Variants in CNTN5 observed in about 807,000 individuals in gnomAD.
CNTN5 encodes the protein contactin 5.
In CNTN5, 77 loss-of-function variants were observed where a neutral mutation model predicts 129.1. That is an observed-to-expected ratio of 0.60 (90% CI 0.50 to 0.72). CNTN5 has a LOEUF of 0.72. CNTN5 is among the 30% of genes least tolerant of loss of function. CNTN5 has a pLI of 0.00. For synonymous variants in CNTN5, 509 were observed against 465.6 expected (o/e 1.09, Z -1.20); for missense variants, 1,478 against 1,328.8 (o/e 1.11, Z -1.75).
intron 3 of CNTN5, among the ~76,000 whole-genome samples, chr11:99,615,003 G>C (rs1177076040): frequency 6.7e-6 from 1 of 149,286 alleles, no homozygotes; most frequent in African/African-American, 2.4e-5. Context: ...AAATATAGAA[G>C]TAATACTATA....
chr11:99,969,129 A>C (rs12576871), intron 8 of CNTN5, among the ~76,000 whole-genome samples: 11,947 of 145,496 alleles, frequency 0.082, 682 homozygotes, highest in South Asian at 0.24. Flanking sequence ...TCTGTCTATA[A>C]AGAGAATTTT....
intron 3 of CNTN5, among the ~76,000 whole-genome samples, chr11:99,633,695 A>G (rs941773513): frequency 6.6e-6 from 1 of 152,226 alleles, no homozygotes; most frequent in Non-Finnish European, 1.5e-5. Context: ...ATAAAGCCAC[A>G]AAAGAAAAGC....
chr11:99,200,577 G>A (rs1350334167), intron 1 of CNTN5, among the ~76,000 whole-genome samples: 1 of 152,106 alleles, frequency 6.6e-6, no homozygotes, highest in African/African-American at 2.4e-5. Context: ...TTGGCAACTT[G>A]CCCACTGTAT....
Position 100,001,497 on chromosome 11 carries a change from C to G in CNTN5, c.878-537C>G, listed in dbSNP as rs527758221. Among the ~76,000 whole-genome samples the G allele has an allele frequency of 2.6e-5, 4 of 152,296 alleles. No individual in the cohort carries two copies. In the South Asian group the frequency reaches 8.3e-4, roughly 32 times the overall value. The stretch of plus-strand genomic sequence containing the variant: ...AATGATCACTTCTTATCTTTCATTA[C>G]AGTAATTTGATAGATAGCTTTTCTC... On this transcript the variant is annotated intron_variant, in intron 8 of 24. Coordinates refer to ENST00000524871, the MANE Select transcript of CNTN5 (RefSeq NM_014361.4).
chr11:99,508,923 A>G (rs988961916), intron 2 of CNTN5, among the ~76,000 whole-genome samples: 3 of 151,904 alleles, frequency 2.0e-5, no homozygotes, highest in African/African-American at 7.3e-5. Context: ...TCAAGTGATC[A>G]GCCCGCCGCA....
intron 13 of CNTN5, among the ~76,000 whole-genome samples, chr11:100,176,528 T>C (rs1236853367): frequency 6.6e-6 from 1 of 152,010 alleles, no homozygotes. Context: ...ACAAATGCTA[T>C]GATGAAGCCC....
chr11:100,191,350 G>C, intron 14 of CNTN5, 97 bp downstream of exon 14: 1 of 950,012 alleles, frequency 1.1e-6, no homozygotes, highest in Admixed American at 3.1e-5. Flanking sequence ...TTGGACTTAA[G>C]TGTGTGCATG....
chr11:99,627,081 C>T (rs1360161740), intron 3 of CNTN5, among the ~76,000 whole-genome samples: 1 of 151,986 alleles, frequency 6.6e-6, no homozygotes, highest in African/African-American at 2.4e-5. Context: ...AGGTTAGTTG[C>T]AGAAAGATTG....
At chr11:99,791,299 C>G (rs1945733644) in intron 3 of CNTN5, among the ~76,000 whole-genome samples, 1 of 151,894 alleles carries the variant, frequency 6.6e-6, no homozygotes, top group South Asian at 2.1e-4. Context: ...AATCTTTGAC[C>G]CATCTTGAGT....
At chr11:99,830,216 T>G (rs910590402) in intron 4 of CNTN5, among the ~76,000 whole-genome samples, 7 of 152,266 alleles carry the variant, frequency 4.6e-5, no homozygotes, top group Admixed American at 2.6e-4. Flanking sequence ...GGAAGCAAAT[T>G]ATTTTTCTAC....
chr11:99,274,412 T>G (rs1228743108), intron 1 of CNTN5, among the ~76,000 whole-genome samples: 1 of 151,682 alleles, frequency 6.6e-6, no homozygotes, highest in Non-Finnish European at 1.5e-5. Context: ...ACTAAAAATC[T>G]GGCTTGCTTT....
chr11:99,234,765 A>C (rs1861180642), intron 1 of CNTN5, among the ~76,000 whole-genome samples: 1 of 151,990 alleles, frequency 6.6e-6, no homozygotes. Context: ...TAAATAATAA[A>C]AGTAAATAAA....
intron 17 of CNTN5, among the ~76,000 whole-genome samples, chr11:100,265,066 CTTTTTGATGGTGATA>C (rs1207283626): frequency 6.6e-6 from 1 of 152,018 alleles, no homozygotes; most frequent in African/African-American, 2.4e-5. Context: ...CCTTTGCCCA[CTTTTTGATGGTGATA>C]TTTTTCAGAG....
intron 18 of CNTN5, among the ~76,000 whole-genome samples, chr11:100,292,411 C>T (rs570387701): frequency 3.9e-5 from 6 of 151,976 alleles, no homozygotes; most frequent in Non-Finnish European, 7.4e-5. Flanking sequence ...TTCACAGTAA[C>T]CATTTCACAT....
At chr11:99,246,199 T>C (rs1212663633) in intron 1 of CNTN5, among the ~76,000 whole-genome samples, 1 of 152,216 alleles carries the variant, frequency 6.6e-6, no homozygotes, top group Non-Finnish European at 1.5e-5. Flanking sequence ...TGTTATCTAA[T>C]GAACGCATTT....
At chr11:100,232,451 A>C (rs937337432) in intron 16 of CNTN5, among the ~76,000 whole-genome samples, 9 of 152,186 alleles carry the variant, frequency 5.9e-5, no homozygotes, top group African/African-American at 1.9e-4. Flanking sequence ...TGGCCTTGGC[A>C]AGGGCAAGTT....
At chr11:100,299,020 T>A (rs1054016984) in intron 19 of CNTN5, 142 bp from the exon 20 acceptor site, 1 of 529,098 alleles carries the variant, frequency 1.9e-6, no homozygotes, top group Non-Finnish European at 3.3e-6. Context: ...GTGATTGTAC[T>A]ATTTTGGCTT....
At chr11:99,486,436 G>A (rs74369022) in intron 2 of CNTN5, among the ~76,000 whole-genome samples, 6,145 of 151,956 alleles carry the variant, frequency 0.04, 170 homozygotes, top group South Asian at 0.082. Flanking sequence ...CCAGAAATTT[G>A]TTTAGATAAT....
At chr11:99,093,919 C>T (rs952023743) in intron 1 of CNTN5, among the ~76,000 whole-genome samples, 6 of 151,802 alleles carry the variant, frequency 4.0e-5, no homozygotes, top group South Asian at 2.1e-4. Context: ...TGGCCATACT[C>T]GATCACTTCA....
Sources: gnomAD v4.1 joint callset for allele counts (sites outside exome capture counted in the v4.1 genomes callset) on GRCh38, gnomAD v4.1.1 for gene constraint, MANE v1.5 for transcripts, NCBI Gene and HGNC (gene_info 2026-07-23, HGNC 2026-07-21) for gene names.